Variants in C1orf141 observed in about 807,000 individuals in gnomAD.
The protein encoded by C1orf141 is uncharacterized protein C1orf141.
A neutral mutation model predicts 23.2 loss-of-function variants in C1orf141; 19 were observed. The observed-to-expected ratio is 0.82, with a 90% CI of 0.57 to 1.20. The LOEUF is 1.20. Among genes scored for constraint, C1orf141 ranks in the 50% most tolerant of loss-of-function variants. The pLI, the probability that C1orf141 is intolerant of heterozygous loss-of-function variation, is 0.00. For synonymous variants in C1orf141, 153 were observed against 154.6 expected (o/e 0.99, Z 0.08); for missense variants, 469 against 455.1 (o/e 1.03, Z -0.28).
chr1:67,127,797 G>T (rs767222523), intron 2 of C1orf141, among the ~76,000 whole-genome samples: 8 of 151,990 alleles, frequency 5.3e-5, no homozygotes, highest in Admixed American at 1.3e-4. Context: ...ACCATGCCCA[G>T]CTACTTTTTG....
upstream of C1orf141, among the ~76,000 whole-genome samples, chr1:67,136,699 T>G (rs1570745202): frequency 1.3e-5 from 2 of 152,334 alleles, no homozygotes; most frequent in Admixed American, 1.3e-4. Context: ...TTCTTAAACC[T>G]TAATTCGTAT....
intron 4 of C1orf141, among the ~76,000 whole-genome samples, chr1:67,125,202 GA>G (rs1646381712): frequency 6.6e-6 from 1 of 152,072 alleles, no homozygotes; most frequent in Non-Finnish European, 1.5e-5. Flanking sequence ...TTGAGCTCAA[GA>G]AAAGCCTTCC....
chr1:67,095,131 T>C (rs1463730426), intron 7 of C1orf141, 104 bp downstream of exon 7: 2 of 652,816 alleles, frequency 3.1e-6, no homozygotes, highest in East Asian at 5.8e-5. Context: ...AACCAAGAGG[T>C]AAAAAGGATT....
chr1:67,104,702 T>C (rs1645880887), intron 5 of C1orf141, among the ~76,000 whole-genome samples: 1 of 152,214 alleles, frequency 6.6e-6, no homozygotes, highest in African/African-American at 2.4e-5. Flanking sequence ...TTTTCAGTTC[T>C]TTTTATAAGC....
At chr1:67,095,159 AC>A in intron 7 of C1orf141, 75 bp downstream of exon 7, 1 of 834,046 alleles carries the variant, frequency 1.2e-6, no homozygotes, top group Non-Finnish European at 1.8e-6. Flanking sequence ...GATTCTGGTC[AC>A]TAAAATATAT....
chr1:67,092,790 C>A lies in C1orf141; in HGVS notation c.*215G>T. 2.7e-6 allele frequency: 1 copy of A among 367,638 alleles called. No individual in the cohort carries two copies. Among genetic ancestry groups the A allele is most frequent in the African/African-American group, 2.1e-5 (1 of 47,416 alleles). The allele number at this position is 367,638 out of a possible 1,614,324, so 22.8% of individuals were successfully genotyped here. A position where few individuals can be genotyped will look rare whatever the true frequency, so the allele number is the denominator to read the frequency against. ...AATAGAAAGTCATGAACTAGATCCTCTTGGTGATAATTATTTCCTAATTTT... is the reference window on the plus strand; with the variant it reads ...AATAGAAAGTCATGAACTAGATCCTATTGGTGATAATTATTTCCTAATTTT... On this transcript the variant is annotated 3_prime_UTR_variant, in exon 8 of 8. Transcript: ENST00000684719.
intron 5 of C1orf141, among the ~76,000 whole-genome samples, chr1:67,110,216 G>T (rs1646038166): frequency 6.6e-6 from 1 of 151,978 alleles, no homozygotes; most frequent in African/African-American, 2.4e-5. Context: ...TTGGAAGACA[G>T]GATAAAACTG....
At chr1:67,128,220 G>A (rs1184900806) in intron 2 of C1orf141, among the ~76,000 whole-genome samples, 1 of 151,646 alleles carries the variant, frequency 6.6e-6, no homozygotes, top group Non-Finnish European at 1.5e-5. Flanking sequence ...AGCTGTATGA[G>A]ACATCAGAAC....
chr1:67,102,665 T>C (rs977489786), intron 5 of C1orf141: 1 of 152,036 alleles, frequency 6.6e-6, no homozygotes, highest in Non-Finnish European at 1.5e-5. Context: ...CTCTATTCAA[T>C]CTCAGAGGCC....
chr1:67,093,057 G>C lies in C1orf141; in HGVS notation c.1151C>G (p.Thr384Arg). 6.3e-7 allele frequency: 1 copy of C among 1,598,912 alleles called. No individual in the cohort carries two copies. The change falls in exon 8 of 8, where the codon ACG becomes AGG. Residue 384 changes from threonine (T) to arginine (R), a missense_variant. This residue lies in a region of C1orf141 where 370 missense variants were observed against 348.1 expected (regional missense o/e 1.06). Transcript: ENST00000684719. ...FKYIYELNNV[T>R]PLDNLLNLSN... is the part of the protein sequence containing the mutation. The stretch of plus-strand genomic sequence containing the variant: ...TAAGTTTAACAAATTATCCAGTGGC[G>C]TTACATTATTTAGTTCATATATATA...
At chr1:67,120,575 G>A (rs182035450) in intron 4 of C1orf141, among the ~76,000 whole-genome samples, 22 of 152,192 alleles carry the variant, frequency 1.4e-4, no homozygotes, top group African/African-American at 4.3e-4. Flanking sequence ...TAGGTCATGA[G>A]GGTGTAGCCT....
At chr1:67,137,892 CT>C (rs1333973114), upstream of C1orf141, among the ~76,000 whole-genome samples, 5 of 152,226 alleles carry the variant, frequency 3.3e-5, no homozygotes, top group Non-Finnish European at 7.3e-5. Context: ...CCACCCCTGC[CT>C]TCTGTCCTCT....
chr1:67,109,969 A>G (rs1646029612), intron 5 of C1orf141, among the ~76,000 whole-genome samples: 1 of 152,158 alleles, frequency 6.6e-6, no homozygotes, highest in African/African-American at 2.4e-5. Context: ...CACTGAGAAG[A>G]AAGGTAATCC....
At chr1:67,114,955 C>T (rs781633494) in intron 5 of C1orf141, among the ~76,000 whole-genome samples, 1 of 152,210 alleles carries the variant, frequency 6.6e-6, no homozygotes, top group African/African-American at 2.4e-5. Context: ...GGATTAGAGG[C>T]GTAAGCCAGC....
rs1645580366 is a variant in C1orf141 at position 67,092,725 on chromosome 1, T to C, written c.*280A>G. 1.4e-5 allele frequency: 3 copies of C among 215,706 alleles called. No homozygotes were observed. The highest frequency in any genetic ancestry group is 2.8e-5 in the Non-Finnish European group (3 of 108,464). 13.4% of individuals were successfully genotyped at this position (215,706 alleles called of 1,614,324 possible). On this transcript the variant is annotated 3_prime_UTR_variant, in exon 8 of 8. Transcript: ENST00000684719. The stretch of plus-strand genomic sequence containing the variant: ...CCTTTCTTGGTCCTGAATCAGAGTT[T>C]AGTATAGGAAGGCTGATGATTGAGC...
chr1:67,100,307 C>T (rs1310035377), intron 5 of C1orf141, among the ~76,000 whole-genome samples: 3 of 152,052 alleles, frequency 2.0e-5, no homozygotes, highest in East Asian at 1.9e-4. Flanking sequence ...TTACACTGCA[C>T]GTTGTATATA....
upstream of C1orf141, chr1:67,138,917 C>CA (rs988714317): frequency 5.3e-5 from 8 of 152,330 alleles, no homozygotes; most frequent in Admixed American, 3.9e-4. Context: ...AATGGGAGGC[C>CA]AGTCAGGGCC....
At chr1:67,125,638 G>T in intron 4 of C1orf141, 114 bp downstream of exon 4, 4 of 999,542 alleles carry the variant, frequency 4.0e-6, no homozygotes, top group Non-Finnish European at 4.8e-6. Flanking sequence ...AGTTGAGGCT[G>T]CAGTGAGCCA....
intron 5 of C1orf141, among the ~76,000 whole-genome samples, chr1:67,111,927 T>A (rs902976206): frequency 6.6e-6 from 1 of 152,202 alleles, no homozygotes; most frequent in Non-Finnish European, 1.5e-5. Flanking sequence ...TAGAATCATA[T>A]GTGTTATTCA....
Sources: allele counts gnomAD v4.1 joint callset (sites outside exome capture counted in the v4.1 genomes callset), GRCh38; gene constraint gnomAD v4.1.1; regional missense constraint gnomAD v4.1.1; transcripts MANE v1.5; gene names NCBI Gene and HGNC (gene_info 2026-07-23, HGNC 2026-07-21).